The following GDA variants were observed in gnomAD, a reference collection of about 807,000 sequenced individuals.
GDA encodes the protein cytoplasmic PSD-95 interactor.
GDA carries 18 observed loss-of-function variants against 59.6 expected under a neutral mutation model. The observed-to-expected ratio is 0.30, with a 90% CI of 0.21 to 0.45. GDA has a LOEUF of 0.45. GDA is among the 20% of genes least tolerant of loss of function. The pLI is 1.00. For missense variants in GDA, 427 were observed against 552.3 expected, an observed-to-expected ratio of 0.77 and a Z score of 2.27; for synonymous variants, 201 against 201.1, an observed-to-expected ratio of 1.00 and a Z score of 0.00.
intron 1 of GDA, among the ~76,000 whole-genome samples, chr9:72,181,328 T>G (rs1250499170): frequency 1.3e-5 from 2 of 152,060 alleles, no homozygotes; most frequent in African/African-American, 4.8e-5. Context: ...TACTTTTACT[T>G]ATACTTTCAC....
At chr9:72,202,528 T>C in intron 2 of GDA, 43 bp from the exon 3 acceptor site, 1 of 1,285,674 alleles carries the variant, frequency 7.8e-7, no homozygotes, top group Non-Finnish European at 1.1e-6. Flanking sequence ...GGGAAATGAC[T>C]GAAGATATTA....
chr9:72,225,697 T>A lies in GDA; in HGVS notation c.735T>A (p.Arg245=). The part of the protein sequence containing the change: ...LHIQSHISEN[R]DEVEAVKNLY... ...TGTAGAGCCATATAAGTGAAAATCG[T>A]GATGAAGTTGAAGCTGTGAAAAACT... The change falls in exon 8 of 14, where the codon CGT becomes CGA. Residue 245 remains arginine, a synonymous_variant. Coordinates refer to ENST00000358399, the MANE Select transcript of GDA (RefSeq NM_004293.5). 1 of 1,510,580 alleles carries A rather than the reference T, an allele frequency of 6.6e-7. No homozygotes were observed. The highest frequency in any genetic ancestry group is 9.1e-7 in the Non-Finnish European group (1 of 1,094,380). 93.6% of individuals were successfully genotyped at this position (1,510,580 alleles called of 1,614,324 possible).
At chr9:72,231,522 G>A (rs1258956124) in intron 10 of GDA, among the ~76,000 whole-genome samples, 4 of 151,330 alleles carry the variant, frequency 2.6e-5, no homozygotes, top group Non-Finnish European at 4.4e-5. Context: ...CTGAGACTGC[G>A]CCACTGCACT....
At position 72,227,982 on chromosome 9, in the gene GDA, C is replaced by A; in HGVS notation, c.862C>A (p.Leu288Met). 6.2e-7 allele frequency: 1 copy of A among 1,609,686 alleles called. No homozygotes were observed. The highest frequency in any genetic ancestry group is 8.5e-7 in the Non-Finnish European group (1 of 1,176,278). The part of the protein sequence containing the change: ...AHGCYLSAEE[L>M]NVFHERGASI... ...CGGCTGCTACCTCTCTGCAGAAGAA[C>A]TGAACGTATTCCATGAACGAGGAGC... The change falls in exon 9 of 14, where the codon CTG becomes ATG. Residue 288 changes from leucine to methionine, a missense_variant. By Grantham distance (15) the Leu-to-Met change is conservative. Transcript: ENST00000358399.
intron 1 of GDA, among the ~76,000 whole-genome samples, chr9:72,159,506 G>T (rs984164699): frequency 2.6e-5 from 4 of 151,894 alleles, no homozygotes; most frequent in Admixed American, 2.6e-4. Context: ...ATTGATTCAT[G>T]AATTAAAAAA....
chr9:72,232,935 T>C (rs1838524932), intron 10 of GDA, among the ~76,000 whole-genome samples: 1 of 152,214 alleles, frequency 6.6e-6, no homozygotes, highest in Non-Finnish European at 1.5e-5. Context: ...GCCTGGCACA[T>C]GACACAAATC....
At chr9:72,199,746 A>G (rs1416108540) in intron 2 of GDA, among the ~76,000 whole-genome samples, 1 of 152,064 alleles carries the variant, frequency 6.6e-6, no homozygotes, top group Non-Finnish European at 1.5e-5. Context: ...AGTTTTTGGC[A>G]CTAGTCACTG....
intron 1 of GDA, among the ~76,000 whole-genome samples, chr9:72,181,013 T>C (rs1261296517): frequency 6.6e-6 from 1 of 152,234 alleles, no homozygotes. Context: ...TTCCACAGAT[T>C]ACCAATGTGT....
rs1483217887 is a variant in GDA at position 72,167,933 on chromosome 9, G to GTAAT, written c.123+18254_123+18255insTTAA. Among the ~76,000 whole-genome samples the GTAAT allele has an allele frequency of 2.6e-5, 4 of 152,158 alleles. No individual in the cohort carries two copies. In the East Asian group the frequency reaches 7.7e-4, roughly 29 times the overall value. On this transcript the variant is annotated intron_variant, in intron 1 of 13. Transcript: ENST00000358399. ...AGGAAGATGTGCACCTATCAAAGTAGTAAATTTTTACTAGTGTTGCTGCTG... is the reference window on the plus strand; with the variant it reads ...AGGAAGATGTGCACCTATCAAAGTAGTAATTAAATTTTTACTAGTGTTGCTGCTG...
chr9:72,158,157 T>A (rs1214614943), intron 1 of GDA, among the ~76,000 whole-genome samples: 3 of 152,160 alleles, frequency 2.0e-5, no homozygotes, highest in African/African-American at 7.2e-5. Flanking sequence ...TTCCATAAAA[T>A]TTTTCATATA....
At chr9:72,164,445 C>G (rs1027952986) in intron 1 of GDA, among the ~76,000 whole-genome samples, 1 of 152,022 alleles carries the variant, frequency 6.6e-6, no homozygotes, top group Non-Finnish European at 1.5e-5. Context: ...TATTTCAGCA[C>G]AGGGAGAGGG....
At chr9:72,168,270 C>T (rs573636480) in intron 1 of GDA, among the ~76,000 whole-genome samples, 23 of 151,852 alleles carry the variant, frequency 1.5e-4, no homozygotes, top group East Asian at 9.7e-4. Context: ...CATAGTGGTG[C>T]GTGCCTGTGG....
intron 11 of GDA, 45 bp from the exon 12 acceptor site, chr9:72,245,103 C>T (rs1472723563): frequency 1.2e-6 from 2 of 1,604,116 alleles, no homozygotes; most frequent in Non-Finnish European, 8.5e-7. Flanking sequence ...TTAGTGTGGT[C>T]TGATGGCTTG....
chr9:72,227,893 C>A, intron 8 of GDA, 50 bp from the exon 9 acceptor site: 1 of 969,222 alleles, frequency 1.0e-6, no homozygotes, highest in Non-Finnish European at 1.7e-6. Context: ...TGAGTACCCA[C>A]TTAATCATTT....
intron 2 of GDA, among the ~76,000 whole-genome samples, chr9:72,202,216 C>G (rs544326906): frequency 3.3e-5 from 5 of 152,222 alleles, no homozygotes; most frequent in South Asian, 2.1e-4. Flanking sequence ...TTCTTGATCT[C>G]TGACCTACAA....
At chr9:72,143,425 G>A (rs1022224100) in intron 1 of GDA, among the ~76,000 whole-genome samples, 5 of 151,976 alleles carry the variant, frequency 3.3e-5, no homozygotes, top group Non-Finnish European at 7.4e-5. Context: ...CACCACACCC[G>A]GCCCAAGAAT....
At chr9:72,237,849 G>A (rs1839193632) in intron 10 of GDA, among the ~76,000 whole-genome samples, 1 of 151,868 alleles carries the variant, frequency 6.6e-6, no homozygotes, top group Admixed American at 6.6e-5. Context: ...TGACTCCTTA[G>A]TATCTCCTTG....
Position 72,128,532 on chromosome 9 carries a change from T to C in GDA, c.-100+13699T>C, listed in dbSNP as rs1825924151. Among the ~76,000 whole-genome samples, 6 of 152,216 alleles carry C rather than the reference T, an allele frequency of 3.9e-5. No homozygotes were observed. The South Asian group carries it at 1.2e-3, about 31-fold the overall frequency. On this transcript the variant is annotated intron_variant, in intron 1 of 13. Coordinates refer to the GDA transcript ENST00000545168. ...CTTTGCAATAATAATGGAAGATAGA[T>C]ACTATTATTCACTTCCCAATGTTGA... is the stretch of plus-strand genomic sequence containing the variant.
chr9:72,140,175 G>A (rs1266585203), intron 1 of GDA, among the ~76,000 whole-genome samples: 1 of 152,218 alleles, frequency 6.6e-6, no homozygotes, highest in Non-Finnish European at 1.5e-5. Context: ...TGTTGTTAGG[G>A]CTGGGCATAT....
Sources: gnomAD v4.1 joint callset for allele counts (sites outside exome capture counted in the v4.1 genomes callset) on GRCh38, gnomAD v4.1.1 for gene constraint, MANE v1.5 for transcripts, NCBI Gene and HGNC (gene_info 2026-07-23, HGNC 2026-07-21) for gene names.